Variants in COL24A1 observed in about 807,000 individuals in gnomAD.
COL24A1 encodes the protein collagen alpha-1(XXIV) chain.
A neutral mutation model predicts 253.9 loss-of-function variants in COL24A1; 224 were observed. That is an observed-to-expected ratio of 0.88 (90% CI 0.79 to 0.99). COL24A1 has a LOEUF of 0.99. Among genes scored for constraint, COL24A1 ranks in the 50% least tolerant of loss-of-function variants. The pLI, the probability that COL24A1 is intolerant of heterozygous loss-of-function variation, is 0.00. For synonymous variants in COL24A1, 685 were observed against 673.7 expected (o/e 1.02, Z -0.26); for missense variants, 2,131 against 2,068.5 (o/e 1.03, Z -0.59).
chr1:85,919,846 T>G (rs77891126), intron 24 of COL24A1, among the ~76,000 whole-genome samples: 5,842 of 152,312 alleles, frequency 0.038, 183 homozygotes, highest in African/African-American at 0.08. Flanking sequence ...GTTTACTTAT[T>G]ATGGCAGTTA....
intron 7 of COL24A1, among the ~76,000 whole-genome samples, chr1:86,081,446 G>A (rs1368964191): frequency 2.0e-5 from 3 of 152,078 alleles, no homozygotes. Flanking sequence ...TTAAATGTCA[G>A]CAGTGTCTCA....
At chr1:86,115,671 T>A (rs1420364782) in intron 3 of COL24A1, among the ~76,000 whole-genome samples, 1 of 152,244 alleles carries the variant, frequency 6.6e-6, no homozygotes, top group East Asian at 1.9e-4. Context: ...GGTAATTTTT[T>A]ACCTAAATTT....
intron 32 of COL24A1, among the ~76,000 whole-genome samples, chr1:85,881,482 A>G (rs1169544644): frequency 6.6e-6 from 1 of 151,546 alleles, no homozygotes; most frequent in African/African-American, 2.4e-5. Flanking sequence ...AAAATTAGCC[A>G]GGTGTGGTGG....
chr1:86,018,329 G>A (rs1331778859), intron 18 of COL24A1, among the ~76,000 whole-genome samples: 1 of 152,160 alleles, frequency 6.6e-6, no homozygotes, highest in East Asian at 1.9e-4. Flanking sequence ...CAAATCCAGA[G>A]AAAGGCAGTG....
chr1:86,036,150 A>G (rs564099107), intron 12 of COL24A1, among the ~76,000 whole-genome samples: 212 of 151,646 alleles, frequency 1.4e-3, no homozygotes, highest in African/African-American at 4.9e-3. Flanking sequence ...ATTTTTCTTT[A>G]TTATTATTAT....
intron 2 of COL24A1, among the ~76,000 whole-genome samples, chr1:86,135,393 T>G (rs1042745681): frequency 6.6e-6 from 1 of 152,182 alleles, no homozygotes; most frequent in Non-Finnish European, 1.5e-5. Flanking sequence ...CCTGTCATTA[T>G]GATGTTAGCT....
intron 19 of COL24A1, among the ~76,000 whole-genome samples, chr1:86,008,721 A>T (rs962121487): frequency 2.0e-5 from 3 of 152,170 alleles, no homozygotes; most frequent in Non-Finnish European, 2.9e-5. Flanking sequence ...TGAAAATTAC[A>T]TGATAGCATG....
At chr1:85,817,980 A>T in intron 46 of COL24A1, 54 bp downstream of exon 46, 10 of 1,461,684 alleles carry the variant, frequency 6.8e-6, no homozygotes, top group Non-Finnish European at 9.6e-6. Context: ...TGCTTGCTAA[A>T]GTTGCCAGTT....
At chr1:85,882,607 T>C (rs1348015351) in intron 32 of COL24A1, among the ~76,000 whole-genome samples, 2 of 152,204 alleles carry the variant, frequency 1.3e-5, no homozygotes, top group Non-Finnish European at 2.9e-5. Context: ...GATAACATAT[T>C]TTATAAATGT....
At chr1:85,953,591 A>C (rs79263818) in intron 24 of COL24A1, among the ~76,000 whole-genome samples, 4 of 152,218 alleles carry the variant, frequency 2.6e-5, no homozygotes, top group Non-Finnish European at 5.9e-5. Flanking sequence ...TGCTAGAATA[A>C]ATAAATGAGA....
Position 86,086,265 on chromosome 1 carries a change from C to A in COL24A1, c.1707+2909G>T, listed in dbSNP as rs1703056882. On this transcript the variant is annotated intron_variant, in intron 7 of 59. Transcript: ENST00000370571. ...CACAGATATACTTAAATACCACTGT[C>A]TAACAAATATCGAATTAACGTGCTT... Among the ~76,000 whole-genome samples, 2 of 152,242 alleles carry A rather than the reference C, an allele frequency of 1.3e-5. 1 individual carries two copies. The highest frequency in any genetic ancestry group is 4.1e-4 in the South Asian group (2 of 4,828).
At chr1:86,038,934 A>C (rs994334631) in intron 12 of COL24A1, among the ~76,000 whole-genome samples, 1 of 152,156 alleles carries the variant, frequency 6.6e-6, no homozygotes. Flanking sequence ...CCACCCAACT[A>C]TGCCACTACC....
At chr1:86,057,880 T>C (rs767695085) in intron 10 of COL24A1, 51 bp downstream of exon 10, 5 of 1,520,734 alleles carry the variant, frequency 3.3e-6, no homozygotes, top group Admixed American at 1.8e-5. Context: ...ATATATTTCA[T>C]TCTACTTTTA....
chr1:86,134,383 T>A (rs1649863495), intron 2 of COL24A1, among the ~76,000 whole-genome samples: 3 of 151,956 alleles, frequency 2.0e-5, no homozygotes, highest in Admixed American at 2.0e-4. Context: ...TTTCTTGCTT[T>A]CTGCTAGCTT....
chr1:86,014,408 A>G (rs1418241103), intron 19 of COL24A1, among the ~76,000 whole-genome samples: 3 of 152,166 alleles, frequency 2.0e-5, no homozygotes, highest in East Asian at 3.9e-4. Context: ...GTTTTAATTC[A>G]TCTGTTACAT....
At chr1:85,816,611 G>A (rs1348509530) in intron 47 of COL24A1, among the ~76,000 whole-genome samples, 177 bp downstream of exon 47, 2 of 152,204 alleles carry the variant, frequency 1.3e-5, no homozygotes, top group Non-Finnish European at 2.9e-5. Flanking sequence ...TGAAGAGAAT[G>A]TACCTATTGA....
chr1:86,145,219 T>TATTTGATCAATTGATCA (rs1651711183), intron 2 of COL24A1, among the ~76,000 whole-genome samples: 1 of 152,256 alleles, frequency 6.6e-6, no homozygotes, highest in Admixed American at 6.5e-5. Flanking sequence ...TTCTTACTGT[T>TATTTGATCAATTGATCA]ATTTGATCAA....
rs1244584503 is a variant in COL24A1 at position 85,738,190 on chromosome 1, T to C, written c.4673-685A>G. On this transcript the variant is annotated intron_variant, in intron 57 of 59. Coordinates refer to ENST00000370571, the MANE Select transcript of COL24A1 (RefSeq NM_152890.7). ...AGTTGAACTTAATGAAGTATATGTGTATATTTCTGTTATACATCATTACAG... is the reference window on the plus strand; with the variant it reads ...AGTTGAACTTAATGAAGTATATGTGCATATTTCTGTTATACATCATTACAG... 3.3e-5 allele frequency among the ~76,000 whole-genome samples: 5 copies of C among 152,322 alleles called. No individual in the cohort carries two copies. In the East Asian group the frequency reaches 9.6e-4, roughly 29 times the overall value.
At chr1:85,843,377 T>C (rs779674383) in intron 39 of COL24A1, among the ~76,000 whole-genome samples, 6 of 152,186 alleles carry the variant, frequency 3.9e-5, no homozygotes, top group Non-Finnish European at 7.3e-5. Flanking sequence ...TCAATAAGAA[T>C]TCAGCCATTA....
Sources: allele counts gnomAD v4.1 joint callset (sites outside exome capture counted in the v4.1 genomes callset), GRCh38; gene constraint gnomAD v4.1.1; transcripts MANE v1.5; gene names NCBI Gene and HGNC (gene_info 2026-07-23, HGNC 2026-07-21).